PRKAG2: variants seen among roughly 807,000 people sequenced by gnomAD.
PRKAG2 encodes protein kinase AMP-activated non-catalytic subunit gamma 2.
In PRKAG2, 26 loss-of-function variants were observed where a neutral mutation model predicts 69.6. The ratio of observed to expected loss-of-function variants is 0.37; its 90% confidence interval spans 0.27 to 0.52. PRKAG2 has a LOEUF of 0.52. Among genes scored for constraint, PRKAG2 ranks in the 20% least tolerant of loss-of-function variants. The pLI, the probability that PRKAG2 is intolerant of heterozygous loss-of-function variation, is 0.90. For missense variants in PRKAG2, 557 were observed against 740.0 expected, an observed-to-expected ratio of 0.75 and a Z score of 2.87; for synonymous variants, 293 against 285.0, an observed-to-expected ratio of 1.03 and a Z score of -0.28.
chr7:151,667,541 G>C (rs1174534771), intron 4 of PRKAG2, among the ~76,000 whole-genome samples: 1 of 152,174 alleles, frequency 6.6e-6, no homozygotes, highest in Non-Finnish European at 1.5e-5. Flanking sequence ...TAATGTGACT[G>C]CCACTTCTGC....
Position 151,809,491 on chromosome 7 carries a change from C to T in PRKAG2, c.115-22950G>A, listed in dbSNP as rs185069033. 11 of 293,324 alleles carry T rather than the reference C, an allele frequency of 3.8e-5. No individual in the cohort carries two copies. In the East Asian group the frequency reaches 4.4e-4, roughly 12 times the overall value. 18.2% of individuals were successfully genotyped at this position (293,324 alleles called of 1,614,324 possible). A position where few individuals can be genotyped will look rare whatever the true frequency, so the allele number is the denominator to read the frequency against. ...GAACGGTGCCTTCACATTGGTCTTC[C>T]GGGGCTTAAAAGCATATCATTCCTG... is the stretch of plus-strand genomic sequence containing the variant. On this transcript the variant is annotated intron_variant, in intron 1 of 15. Transcript: ENST00000287878.
intron 1 of PRKAG2, among the ~76,000 whole-genome samples, chr7:151,860,677 T>A (rs1185253040): frequency 6.6e-6 from 1 of 152,090 alleles, no homozygotes; most frequent in African/African-American, 2.4e-5. Flanking sequence ...AAAGTCCCCA[T>A]GAGTTCCCCA....
At chr7:151,738,421 A>C (rs2073618742) in intron 3 of PRKAG2, among the ~76,000 whole-genome samples, 1 of 152,274 alleles carries the variant, frequency 6.6e-6, no homozygotes, top group Non-Finnish European at 1.5e-5. Context: ...AAATCTGGCC[A>C]TAAACTGGCC....
intron 4 of PRKAG2, among the ~76,000 whole-genome samples, chr7:151,649,383 C>T (rs1394288319): frequency 6.6e-6 from 1 of 152,194 alleles, no homozygotes; most frequent in Non-Finnish European, 1.5e-5. Flanking sequence ...ACCTTGGCCT[C>T]CCAAAGTGCT....
chr7:151,843,803 A>G (rs1489491153), intron 1 of PRKAG2, among the ~76,000 whole-genome samples: 1 of 152,154 alleles, frequency 6.6e-6, no homozygotes, highest in Admixed American at 6.5e-5. Flanking sequence ...CAAAACCTAC[A>G]CTCTGTTTGG....
rs369873397 is a variant in PRKAG2, at chr7:151,820,385, T to A, written c.115-33844A>T. 6.6e-5 allele frequency among the ~76,000 whole-genome samples: 10 copies of A among 152,320 alleles called. No homozygotes were observed. The East Asian group carries it at 1.9e-3, about 30-fold the overall frequency. ...GCTCCTTTGACTTCCGTCATTTTGA[T>A]GCTTGGGGCCCGGCCCCTGTGGCTT... On this transcript the variant is annotated intron_variant, in intron 1 of 15. Transcript: ENST00000287878.
intron 15 of PRKAG2, chr7:151,559,042 G>T: frequency 4.1e-6 from 4 of 985,440 alleles, no homozygotes; most frequent in Non-Finnish European, 4.8e-6. Context: ...TTTTCTGAAG[G>T]TGCCAAGCTA....
chr7:151,814,960 G>A lies in PRKAG2; in HGVS notation c.115-28419C>T. The A allele has an allele frequency of 2.1e-6, 2 of 958,442 alleles. No homozygotes were observed. The highest frequency in any genetic ancestry group is 2.7e-6 in the Non-Finnish European group (2 of 739,348). 59.4% of individuals were successfully genotyped at this position (958,442 alleles called of 1,614,324 possible). A position where few individuals can be genotyped will look rare whatever the true frequency, so the allele number is the denominator to read the frequency against. ...CAGGATGGAGGGAGGCAGGAGCAGA[G>A]GCCGATGATGCAGCAGTGGACAGCT... On this transcript the variant is annotated intron_variant, in intron 1 of 15. Transcript: ENST00000287878. This position sits in a 1 kb window ranked among gnomAD's most constrained non-coding sequence, Gnocchi z 4.8.
Position 151,631,936 on chromosome 7 carries a change from C to T in PRKAG2, c.754+133G>A, listed in dbSNP as rs544890176. The T allele has an allele frequency of 1.5e-4, 144 of 936,228 alleles. 3 individuals are homozygous for T. In the East Asian group the frequency reaches 7.6e-3, roughly 50 times the overall value. The allele number at this position is 936,228 out of a possible 1,614,324, so 58.0% of individuals were successfully genotyped here. A position where few individuals can be genotyped will look rare whatever the true frequency, so the allele number is the denominator to read the frequency against. The stretch of plus-strand genomic sequence containing the variant: ...ATCCCCGCCCCGGTTCCCGCCCCGG[C>T]CCCTGGGCTTCCGCAGGACGCAGCT... On this transcript the variant is annotated intron_variant, in intron 5 of 15. Transcript: ENST00000287878.
At chr7:151,637,525 T>G (rs1444825676) in intron 4 of PRKAG2, among the ~76,000 whole-genome samples, 2 of 152,210 alleles carry the variant, frequency 1.3e-5, no homozygotes, top group Admixed American at 6.5e-5. Context: ...TAACAATTAA[T>G]GTTTTATGCA....
chr7:151,799,335 C>T (rs2077708550), intron 1 of PRKAG2, among the ~76,000 whole-genome samples: 1 of 152,240 alleles, frequency 6.6e-6, no homozygotes, highest in Non-Finnish European at 1.5e-5. Context: ...CTGCTTCTGA[C>T]TTTCTAGCTT....
intron 3 of PRKAG2, among the ~76,000 whole-genome samples, chr7:151,729,552 T>A (rs1004634964): frequency 5.9e-5 from 9 of 152,092 alleles, no homozygotes; most frequent in Admixed American, 5.9e-4. Flanking sequence ...GGCCAGTCCT[T>A]AGCCCATCGG....
At chr7:151,760,069 T>A (rs944431370) in intron 3 of PRKAG2, among the ~76,000 whole-genome samples, 3 of 152,220 alleles carry the variant, frequency 2.0e-5, no homozygotes, top group African/African-American at 7.2e-5. Flanking sequence ...TATCAAAGAT[T>A]AGCCTTTTCT....
At chr7:151,571,536 G>T (rs1807574099) in intron 9 of PRKAG2, among the ~76,000 whole-genome samples, 2 of 152,164 alleles carry the variant, frequency 1.3e-5, no homozygotes, top group African/African-American at 4.8e-5. Flanking sequence ...CTATACAGAA[G>T]GCGTTTAAGA....
At chr7:151,575,753 C>T (rs1027788057) in intron 7 of PRKAG2, among the ~76,000 whole-genome samples, 9 of 152,030 alleles carry the variant, frequency 5.9e-5, no homozygotes, top group South Asian at 2.1e-4. Context: ...TGGTGTCCTA[C>T]GTGGGGTTTG....
intron 3 of PRKAG2, among the ~76,000 whole-genome samples, chr7:151,776,975 G>A (rs118182726): frequency 3.3e-5 from 5 of 152,152 alleles, no homozygotes; most frequent in Admixed American, 6.5e-5. Context: ...GGACACTGCC[G>A]GGGTGAGGCC....
At chr7:151,682,448 A>C (rs958793688) in intron 3 of PRKAG2, among the ~76,000 whole-genome samples, 1 of 152,190 alleles carries the variant, frequency 6.6e-6, no homozygotes. Context: ...TATGTTGCCC[A>C]GGCTGGTCTT....
chr7:151,777,094 T>G lies in PRKAG2; in HGVS notation c.466+4058A>C, dbSNP rs984897901. Reference sequence around the variant, plus strand: ...GACTCCACCTGCCTGTCTCGGCCCCTGGCTTTAAGGAAAGGGTGGAGGGGA... The same window carrying G: ...GACTCCACCTGCCTGTCTCGGCCCCGGGCTTTAAGGAAAGGGTGGAGGGGA... On this transcript the variant is annotated intron_variant, in intron 3 of 15. Coordinates refer to ENST00000287878, the MANE Select transcript of PRKAG2 (RefSeq NM_016203.4). This position sits in a 1 kb window ranked among gnomAD's most constrained non-coding sequence, Gnocchi z 4.3. Among the ~76,000 whole-genome samples, 1 of 152,186 alleles carries G rather than the reference T, an allele frequency of 6.6e-6. No individual in the cohort carries two copies. Among genetic ancestry groups the G allele is most frequent in the African/African-American group, 2.4e-5 (1 of 41,450 alleles).
At chr7:151,824,474 T>C (rs1043331355) in intron 1 of PRKAG2, among the ~76,000 whole-genome samples, 6 of 152,074 alleles carry the variant, frequency 3.9e-5, no homozygotes, top group Non-Finnish European at 7.4e-5. Context: ...TAAATCGTGA[T>C]GAGATTGTAA....
Sources: gnomAD v4.1 joint callset for allele counts (sites outside exome capture counted in the v4.1 genomes callset) on GRCh38, gnomAD v4.1.1 for gene constraint, Gnocchi (gnomAD v3.1) non-coding constraint, MANE v1.5 for transcripts, NCBI Gene and HGNC (gene_info 2026-07-23, HGNC 2026-07-21) for gene names.